Variants in PTPRD observed in about 807,000 individuals in gnomAD.
PTPRD encodes receptor-type tyrosine-protein phosphatase delta.
A neutral mutation model predicts 214.5 loss-of-function variants in PTPRD; 34 were observed. The observed-to-expected ratio is 0.16, with a 90% CI of 0.12 to 0.21. The LOEUF is 0.21. Among genes scored for constraint, PTPRD ranks in the 10% least tolerant of loss-of-function variants. The pLI is 1.00. For missense variants in PTPRD, 2,545 were observed against 2,398.7 expected, an observed-to-expected ratio of 1.06 and a Z score of -1.27; for synonymous variants, 1,128 against 845.7, an observed-to-expected ratio of 1.33 and a Z score of -5.79.
chr9:9,197,204 C>T (rs1179498619), intron 9 of PTPRD, among the ~76,000 whole-genome samples: 1 of 152,130 alleles, frequency 6.6e-6, no homozygotes, highest in Non-Finnish European at 1.5e-5. Flanking sequence ...AGCCACACTT[C>T]CTTACACTTT....
chr9:8,948,237 C>G (rs1039083751), intron 11 of PTPRD, among the ~76,000 whole-genome samples: 3 of 148,362 alleles, frequency 2.0e-5, no homozygotes, highest in Admixed American at 6.9e-5. Flanking sequence ...CCAGGATAGT[C>G]TCCATCTCTT....
intron 43 of PTPRD, among the ~76,000 whole-genome samples, chr9:8,338,007 C>G (rs1848652107): frequency 6.6e-6 from 1 of 152,042 alleles, no homozygotes; most frequent in Non-Finnish European, 1.5e-5. Context: ...TAGGCCAACC[C>G]TCCTGCTAAC....
intron 37 of PTPRD, among the ~76,000 whole-genome samples, chr9:8,381,908 G>T (rs2085216018): frequency 6.6e-6 from 1 of 152,184 alleles, no homozygotes; most frequent in South Asian, 2.1e-4. Context: ...GCAGAACTGT[G>T]TGAGGTGCCT....
chr9:9,929,552 C>A (rs2085616804), intron 5 of PTPRD, among the ~76,000 whole-genome samples: 1 of 152,132 alleles, frequency 6.6e-6, no homozygotes. Context: ...TGCCACCATG[C>A]CCAGCTAACT....
chr9:8,442,287 G>A (rs896148735), intron 34 of PTPRD, among the ~76,000 whole-genome samples: 2 of 151,822 alleles, frequency 1.3e-5, no homozygotes, highest in Admixed American at 1.3e-4. Flanking sequence ...GCTACTGAAT[G>A]CTTCAAATGA....
rs927044286 is a variant in PTPRD, at chr9:8,315,513, A to G, written c.*2361T>C. 4.3e-6 allele frequency: 1 copy of G among 232,092 alleles called. No individual in the cohort carries two copies. The highest frequency in any genetic ancestry group is 5.6e-5 in the Admixed American group (1 of 17,722). The allele number at this position is 232,092 out of a possible 1,614,324, so 14.4% of individuals were successfully genotyped here. On this transcript the variant is annotated 3_prime_UTR_variant, in exon 46 of 46. Transcript: ENST00000381196. ...CTGGCACTTGGATAAATCTCCAAAA[A>G]GATACAAACTAAAAGAAAATAATGA...
intron 2 of PTPRD, among the ~76,000 whole-genome samples, chr9:10,425,194 G>A (rs1282937847): frequency 6.6e-6 from 1 of 151,914 alleles, no homozygotes; most frequent in African/African-American, 2.4e-5. Context: ...TGCTGAGTTT[G>A]CTGGCAGCTT....
chr9:8,608,707 T>C (rs2095333029), intron 14 of PTPRD, among the ~76,000 whole-genome samples: 1 of 151,990 alleles, frequency 6.6e-6, no homozygotes, highest in Non-Finnish European at 1.5e-5. Flanking sequence ...TGACGGCAAA[T>C]GGATGATGTA....
At chr9:8,445,499 A>C (rs1253926727) in intron 34 of PTPRD, among the ~76,000 whole-genome samples, 1 of 152,180 alleles carries the variant, frequency 6.6e-6, no homozygotes, top group Non-Finnish European at 1.5e-5. Context: ...TTTCATTTTA[A>C]AGTATACTTT....
At chr9:10,131,999 C>T (rs535086422) in intron 3 of PTPRD, among the ~76,000 whole-genome samples, 4 of 152,198 alleles carry the variant, frequency 2.6e-5, no homozygotes, top group Non-Finnish European at 5.9e-5. Flanking sequence ...CAACTACACA[C>T]CATTCGGTTA....
chr9:9,340,054 A>G lies in PTPRD; in HGVS notation c.-203+57395T>C, dbSNP rs188220106. ...GAAGACATTAGCAATACAAAGTCTCAGTAAGAGAGATAGATAAATGGCACT... is the reference window on the plus strand; with the variant it reads ...GAAGACATTAGCAATACAAAGTCTCGGTAAGAGAGATAGATAAATGGCACT... On this transcript the variant is annotated intron_variant, in intron 9 of 45. Coordinates refer to ENST00000381196, the MANE Select transcript of PTPRD (RefSeq NM_002839.4). 2.0e-4 allele frequency among the ~76,000 whole-genome samples: 31 copies of G among 152,282 alleles called. 1 individual carries two copies. The East Asian group carries it at 5.6e-3, about 28-fold the overall frequency.
intron 43 of PTPRD, among the ~76,000 whole-genome samples, chr9:8,335,082 G>A (rs1845273794): frequency 6.6e-6 from 1 of 152,008 alleles, no homozygotes; most frequent in African/African-American, 2.4e-5. Flanking sequence ...AAGAGGAGTT[G>A]GTACCATTCC....
intron 5 of PTPRD, among the ~76,000 whole-genome samples, chr9:9,776,217 G>C (rs1268379698): frequency 1.3e-5 from 2 of 152,066 alleles, no homozygotes; most frequent in Non-Finnish European, 2.9e-5. Flanking sequence ...TCTATTCCTT[G>C]TTCTTGGAAT....
intron 9 of PTPRD, among the ~76,000 whole-genome samples, chr9:9,277,213 T>C (rs1441858424): frequency 2.6e-5 from 4 of 151,438 alleles, no homozygotes; most frequent in Non-Finnish European, 3.0e-5. Context: ...ATTGAACAAA[T>C]ATTCAAACAG....
chr9:9,236,285 C>T (rs2099966668), intron 9 of PTPRD, among the ~76,000 whole-genome samples: 1 of 152,018 alleles, frequency 6.6e-6, no homozygotes, highest in Non-Finnish European at 1.5e-5. Context: ...AAATAAGGAA[C>T]AAAATTATTT....
At chr9:9,712,646 A>G (rs1419431111) in intron 7 of PTPRD, among the ~76,000 whole-genome samples, 1 of 152,198 alleles carries the variant, frequency 6.6e-6, no homozygotes, top group African/African-American at 2.4e-5. Flanking sequence ...ACGTACATGT[A>G]TCCTTCAGAA....
intron 4 of PTPRD, among the ~76,000 whole-genome samples, chr9:9,969,661 T>C (rs1212865177): frequency 6.6e-6 from 1 of 152,224 alleles, no homozygotes; most frequent in Non-Finnish European, 1.5e-5. Context: ...AATCTGCTCC[T>C]TGGGGCTGCC....
At chr9:8,974,273 C>T (rs955640983) in intron 11 of PTPRD, among the ~76,000 whole-genome samples, 1 of 152,032 alleles carries the variant, frequency 6.6e-6, no homozygotes, top group East Asian at 1.9e-4. Context: ...TGTGGCTAGC[C>T]AGTTATCCCA....
chr9:8,335,458 A>G lies in PTPRD; in HGVS notation c.5379+3464T>C, dbSNP rs911948339. ...AATTCAACACCACTTTGTGCTAACA[A>G]CTCTCAATAAACTAGGTACTGATGG... is the stretch of plus-strand genomic sequence containing the variant. On this transcript the variant is annotated intron_variant, in intron 43 of 45. Coordinates refer to ENST00000381196, the MANE Select transcript of PTPRD (RefSeq NM_002839.4). Among the ~76,000 whole-genome samples the G allele has an allele frequency of 2.0e-5, 3 of 152,066 alleles. No individual in the cohort carries two copies. In the South Asian group the frequency reaches 6.2e-4, roughly 32 times the overall value.
Sources: allele counts gnomAD v4.1 joint callset (sites outside exome capture counted in the v4.1 genomes callset), GRCh38; gene constraint gnomAD v4.1.1; transcripts MANE v1.5; gene names NCBI Gene and HGNC (gene_info 2026-07-23, HGNC 2026-07-21).